KYAT3: variants seen among roughly 807,000 people sequenced by gnomAD.
The protein encoded by KYAT3 is kynurenine aminotransferase 3, also known as kynurenine--oxoglutarate transaminase 3.
A neutral mutation model predicts 59.0 loss-of-function variants in KYAT3; 50 were observed. That is an observed-to-expected ratio of 0.85 (90% confidence interval 0.68 to 1.07). The LOEUF (loss-of-function observed/expected upper bound fraction) is 1.07, where lower values mean the gene tolerates loss of function less well. Among genes scored for constraint, KYAT3 ranks in the 50% least tolerant of loss-of-function variants. KYAT3 has a pLI of 0.00. For synonymous variants in KYAT3, 148 were observed against 177.0 expected, an observed-to-expected ratio of 0.84 and a Z score of 1.30; for missense variants, 497 against 533.3, an observed-to-expected ratio of 0.93 and a Z score of 0.67.
chr1:88,955,609 C>G (rs1384924336), intron 8 of KYAT3, among the ~76,000 whole-genome samples: 1 of 152,108 alleles, frequency 6.6e-6, no homozygotes, highest in Non-Finnish European at 1.5e-5. Flanking sequence ...AGTGGCAGGG[C>G]TTAGGTTGTG....
At chr1:88,965,005 C>T in intron 4 of KYAT3, 27 bp from the exon 5 acceptor site, 3 of 1,572,254 alleles carry the variant, frequency 1.9e-6, no homozygotes, top group Non-Finnish European at 2.6e-6. Flanking sequence ...AAGAACAAAA[C>T]CTTGAATTTA....
intron 1 of KYAT3, among the ~76,000 whole-genome samples, chr1:88,992,147 T>G (rs973592325): frequency 6.6e-6 from 1 of 151,908 alleles, no homozygotes; most frequent in Non-Finnish European, 1.5e-5. Context: ...CCCGGCTAAT[T>G]TTTTGTATTT....
chr1:88,922,618 G>C, the KYAT3 span, among the ~76,000 whole-genome samples: 27 of 152,270 alleles, frequency 1.8e-4, 1 homozygote, highest in Admixed American at 8.5e-4. Context: ...CTGATGTTCT[G>C]AGGTAGAACA....
intron 10 of KYAT3, among the ~76,000 whole-genome samples, chr1:88,952,447 T>C (rs1675715742): frequency 6.6e-6 from 1 of 152,136 alleles, no homozygotes; most frequent in Admixed American, 6.5e-5. Context: ...TTTAGCACCA[T>C]CCCCTTGATG....
At chr1:88,974,174 C>A (rs1252155444) in intron 2 of KYAT3, among the ~76,000 whole-genome samples, 1 of 152,116 alleles carries the variant, frequency 6.6e-6, no homozygotes, top group Non-Finnish European at 1.5e-5. Flanking sequence ...GAAGTGGGCA[C>A]CCTTTTCATG....
intron 2 of KYAT3, among the ~76,000 whole-genome samples, chr1:88,974,364 ATGTTTTTGGT>A (rs987470811): frequency 2.4e-4 from 36 of 149,946 alleles, no homozygotes; most frequent in African/African-American, 8.1e-4. Context: ...ATTACAACGT[ATGTTTTTGGT>A]TGTTTTTGTG....
At chr1:88,960,731 G>T (rs1049490906) in intron 8 of KYAT3, among the ~76,000 whole-genome samples, 10 of 152,114 alleles carry the variant, frequency 6.6e-5, no homozygotes, top group African/African-American at 2.4e-4. Context: ...TAGCCCAGTA[G>T]TAATGGCTGA....
intron 2 of KYAT3, among the ~76,000 whole-genome samples, chr1:88,984,929 A>G (rs1677357748): frequency 6.6e-6 from 1 of 152,228 alleles, no homozygotes; most frequent in Non-Finnish European, 1.5e-5. Flanking sequence ...TGTACTGGTT[A>G]TAACTTCTGT....
chr1:88,992,755 G>A (rs1438550691), upstream of KYAT3: 3 of 148,410 alleles, frequency 2.0e-5, no homozygotes, highest in Non-Finnish European at 1.5e-5. Context: ...TAGGCTGGAA[G>A]AGACTGGATG....
intron 1 of KYAT3, among the ~76,000 whole-genome samples, chr1:88,991,858 C>G (rs1259933189): frequency 1.3e-5 from 2 of 152,204 alleles, no homozygotes; most frequent in Non-Finnish European, 1.5e-5. Context: ...GTGGGCGAAG[C>G]GAAGGAAGGA....
intron 8 of KYAT3, among the ~76,000 whole-genome samples, chr1:88,960,917 T>C (rs1284811465): frequency 6.6e-6 from 1 of 152,224 alleles, no homozygotes; most frequent in Non-Finnish European, 1.5e-5. Context: ...GCCAGGGATA[T>C]ATGGGCAAAA....
chr1:88,953,614 A>G (rs1570789141), intron 9 of KYAT3, among the ~76,000 whole-genome samples: 1 of 151,860 alleles, frequency 6.6e-6, no homozygotes, highest in African/African-American at 2.4e-5. Context: ...AATCATTTCA[A>G]TGGTGTTCTT....
rs1175924027 is a variant in KYAT3 at position 88,935,797 on chromosome 1, T to C, written c.*386A>G. 1 of 397,818 alleles carries C rather than the reference T, an allele frequency of 2.5e-6. No individual in the cohort carries two copies. Among genetic ancestry groups the C allele is most frequent in the East Asian group, 3.6e-5 (1 of 28,168 alleles). The allele number at this position is 397,818 out of a possible 1,614,324, so 24.6% of individuals were successfully genotyped here. ...AACCGGCTAAAGTCAGATGAGTGTT[T>C]ATTGTTTGCCAGGCTTTTTGCATAC... On this transcript the variant is annotated 3_prime_UTR_variant, in exon 14 of 14. Coordinates refer to ENST00000260508, the MANE Select transcript of KYAT3 (RefSeq NM_001008661.3).
At chr1:88,933,159 T>C (rs181007251), downstream of KYAT3, among the ~76,000 whole-genome samples, 331 of 152,348 alleles carry the variant, frequency 2.2e-3, 1 homozygote, top group South Asian at 3.7e-3. Context: ...TCCCCCTTTA[T>C]TCTGCTCTAG....
chr1:88,949,575 T>C (rs1446259096), intron 10 of KYAT3, among the ~76,000 whole-genome samples: 1 of 152,196 alleles, frequency 6.6e-6, no homozygotes, highest in East Asian at 1.9e-4. Context: ...CATTAAGATA[T>C]TTTCTGCTGA....
chr1:88,990,691 T>G (rs893264347), intron 1 of KYAT3, among the ~76,000 whole-genome samples: 2 of 152,196 alleles, frequency 1.3e-5, no homozygotes, highest in Non-Finnish European at 2.9e-5. Context: ...CTAGGTAATC[T>G]CATTGTGTAA....
At chr1:88,956,788 C>T (rs990845503) in intron 8 of KYAT3, among the ~76,000 whole-genome samples, 7 of 152,168 alleles carry the variant, frequency 4.6e-5, no homozygotes, top group Non-Finnish European at 8.8e-5. Context: ...GTAAATTTTG[C>T]TAGACATTGG....
At position 88,949,273 on chromosome 1, in the gene KYAT3, G is replaced by C. The variant is rs771795057; in HGVS notation, c.959C>G (p.Ala320Gly). The C allele has an allele frequency of 1.7e-5, 26 of 1,538,074 alleles. No individual in the cohort carries two copies. Among genetic ancestry groups the C allele is most frequent in the East Asian group, 1.2e-4 (5 of 41,572 alleles). Residue 320 changes from alanine (A) to glycine (G), a missense_variant, in exon 11 of 14, where the codon GCC becomes GGC. By Grantham distance (60) the Ala-to-Gly change is moderately conservative (BLOSUM62 0). Transcript: ENST00000260508. The stretch of plus-strand genomic sequence containing the variant: ...GTCAATCCAGAAAGCTTGAGCCAAG[G>C]CTTCCTGTTTGTTAAGAATCAAAAA... ...IYTCATPLQEALAQAFWIDIK... is the reference protein window; with the variant it reads ...IYTCATPLQEGLAQAFWIDIK...
chr1:88,984,204 C>CCTTT (rs1677299475), intron 2 of KYAT3: 1 of 81,470 alleles, frequency 1.2e-5, no homozygotes, highest in Non-Finnish European at 2.6e-5. Flanking sequence ...TTTTTTGTTG[C>CCTTT]TTTTTTTTTT....
Sources: gnomAD v4.1 joint callset for allele counts (sites outside exome capture counted in the v4.1 genomes callset) on GRCh38, gnomAD v4.1.1 for gene constraint, MANE v1.5 for transcripts, NCBI Gene and HGNC (gene_info 2026-07-23, HGNC 2026-07-21) for gene names.